The following SYNPR variants were observed in gnomAD, a reference collection of about 807,000 sequenced individuals.
The protein encoded by SYNPR is synaptoporin.
In SYNPR, 23 loss-of-function variants were observed where a neutral mutation model predicts 32.9. The ratio of observed to expected loss-of-function variants is 0.70; its 90% CI spans 0.50 to 0.99. SYNPR has a LOEUF of 0.99. Among genes scored for constraint, SYNPR ranks in the 50% least tolerant of loss-of-function variants. SYNPR has a pLI of 0.00. For synonymous variants in SYNPR, 146 were observed against 135.9 expected, an observed-to-expected ratio of 1.07 and a Z score of -0.52; for missense variants, 318 against 349.3, an observed-to-expected ratio of 0.91 and a Z score of 0.71.
intron 2 of SYNPR, among the ~76,000 whole-genome samples, chr3:63,401,096 C>T (rs1305012175): frequency 6.6e-6 from 1 of 151,292 alleles, no homozygotes; most frequent in African/African-American, 2.4e-5. Flanking sequence ...AGGTGGTTTA[C>T]AAAAACATCT....
At chr3:63,538,167 T>C (rs1702241249) in intron 3 of SYNPR, among the ~76,000 whole-genome samples, 1 of 152,070 alleles carries the variant, frequency 6.6e-6, no homozygotes, top group Non-Finnish European at 1.5e-5. Flanking sequence ...GCTTTTTTGA[T>C]GCACAAATCC....
chr3:63,553,061 C>A (rs374987406), intron 3 of SYNPR, among the ~76,000 whole-genome samples: 4 of 152,024 alleles, frequency 2.6e-5, no homozygotes, highest in African/African-American at 9.7e-5. Flanking sequence ...GCATAGCACC[C>A]AATAAGTAGC....
chr3:63,218,732 T>C, the SYNPR span, among the ~76,000 whole-genome samples: 1 of 152,232 alleles, frequency 6.6e-6, no homozygotes, highest in East Asian at 1.9e-4. Context: ...CATAAAGCGA[T>C]ACAAAGGGCC....
intron 3 of SYNPR, among the ~76,000 whole-genome samples, chr3:63,549,398 C>A (rs138516410): frequency 6.6e-6 from 1 of 152,136 alleles, no homozygotes; most frequent in Non-Finnish European, 1.5e-5. Context: ...GGCAGGTATG[C>A]GCAGTACTTG....
chr3:63,404,030 A>G (rs925336228), intron 2 of SYNPR, among the ~76,000 whole-genome samples: 4 of 152,200 alleles, frequency 2.6e-5, no homozygotes, highest in Admixed American at 2.6e-4. Context: ...CCCTACCTCC[A>G]ACCACCATTT....
chr3:63,288,627 G>T (rs564286031), intron 2 of SYNPR, among the ~76,000 whole-genome samples: 2 of 152,120 alleles, frequency 1.3e-5, no homozygotes, highest in African/African-American at 4.8e-5. Flanking sequence ...ATGATAAGAT[G>T]ATTTGTGAAT....
At chr3:63,479,445 T>TGTGCGC (rs1700998772) in intron 2 of SYNPR, among the ~76,000 whole-genome samples, 1 of 97,992 alleles carries the variant, frequency 1.0e-5, no homozygotes, top group Non-Finnish European at 2.4e-5. Context: ...GCCACACACA[T>TGTGCGC]GCACACACAC....
At chr3:63,580,605 G>C (rs998902998) in intron 4 of SYNPR, among the ~76,000 whole-genome samples, 2 of 152,100 alleles carry the variant, frequency 1.3e-5, no homozygotes, top group African/African-American at 4.8e-5. Context: ...TACAGATACA[G>C]TTCCCAGTTA....
rs543055731 is a variant in SYNPR at position 63,439,704 on chromosome 3, A to G, written c.85-41128A>G. Among the ~76,000 whole-genome samples the G allele has an allele frequency of 2.6e-5, 4 of 152,316 alleles. No individual in the cohort carries two copies. In the East Asian group the frequency reaches 7.7e-4, roughly 29 times the overall value. ...AATCAATATGACACTGAAATTTGCA[A>G]CCCTTCCAGAATGTTCTTTGAATGA... On this transcript the variant is annotated intron_variant, in intron 2 of 5. Coordinates refer to ENST00000478300, the MANE Select transcript of SYNPR (RefSeq NM_001130003.2).
intron 2 of SYNPR, among the ~76,000 whole-genome samples, chr3:63,328,418 A>G (rs2087189628): frequency 6.6e-6 from 1 of 152,184 alleles, no homozygotes. Flanking sequence ...TATTTAAAAG[A>G]AGGAATTCAT....
chr3:63,209,302 C>CTTGG, the SYNPR span, among the ~76,000 whole-genome samples: 3 of 114,792 alleles, frequency 2.6e-5, no homozygotes, highest in East Asian at 6.9e-4. Context: ...TGGGTGACAG[C>CTTGG]GAGACTCCGT....
At chr3:63,442,275 G>C (rs1032736185) in intron 2 of SYNPR, among the ~76,000 whole-genome samples, 1 of 150,086 alleles carries the variant, frequency 6.7e-6, no homozygotes, top group African/African-American at 2.5e-5. Context: ...ACAGAGAGAG[G>C]GACCTCAAAA....
intron 2 of SYNPR, among the ~76,000 whole-genome samples, chr3:63,424,756 G>A (rs1655154476): frequency 6.6e-6 from 1 of 152,166 alleles, no homozygotes; most frequent in African/African-American, 2.4e-5. Context: ...GGAGCTATTA[G>A]TAAGTTTACT....
At position 63,429,480 on chromosome 3, in the gene SYNPR, T is replaced by C. The variant is rs552892813; in HGVS notation, c.85-51352T>C. Among the ~76,000 whole-genome samples the C allele has an allele frequency of 3.9e-5, 6 of 152,320 alleles. No individual in the cohort carries two copies. In the South Asian group the frequency reaches 1.2e-3, roughly 32 times the overall value. On this transcript the variant is annotated intron_variant, in intron 2 of 5. Transcript: ENST00000478300. ...TCTTAGGACTGCAACATTTTAGCCATCTTTGGAATCCCTAGGGAACAATTC... is the reference window on the plus strand; with the variant it reads ...TCTTAGGACTGCAACATTTTAGCCACCTTTGGAATCCCTAGGGAACAATTC...
chr3:63,524,897 G>T (rs78264774), intron 3 of SYNPR, among the ~76,000 whole-genome samples: 14,280 of 147,896 alleles, frequency 0.097, 910 homozygotes, highest in Middle Eastern at 0.21. Flanking sequence ...GAGAGAGAGA[G>T]AAGTCAGCTC....
intron 3 of SYNPR, among the ~76,000 whole-genome samples, chr3:63,514,910 G>C (rs1701767394): frequency 6.6e-6 from 1 of 152,084 alleles, no homozygotes; most frequent in Non-Finnish European, 1.5e-5. Context: ...AAAAACATTT[G>C]TGATGTAAGT....
chr3:63,355,999 C>G (rs905203007), intron 2 of SYNPR, among the ~76,000 whole-genome samples: 1 of 152,196 alleles, frequency 6.6e-6, no homozygotes, highest in African/African-American at 2.4e-5. Flanking sequence ...TTCTCTGCCC[C>G]TTTTCAGTCT....
At chr3:63,583,864 C>T (rs145798354) in intron 4 of SYNPR, among the ~76,000 whole-genome samples, 1 of 151,988 alleles carries the variant, frequency 6.6e-6, no homozygotes, top group South Asian at 2.1e-4. Context: ...AGATCCTATT[C>T]AGGAGAGATA....
chr3:63,589,674 C>A (rs954729585), intron 4 of SYNPR, among the ~76,000 whole-genome samples: 2 of 150,684 alleles, frequency 1.3e-5, no homozygotes, highest in Admixed American at 6.7e-5. Flanking sequence ...TAAATGTAAT[C>A]CAGCATATAA....
Sources: allele counts gnomAD v4.1 joint callset (sites outside exome capture counted in the v4.1 genomes callset), GRCh38; gene constraint gnomAD v4.1.1; transcripts MANE v1.5; gene names NCBI Gene and HGNC (gene_info 2026-07-23, HGNC 2026-07-21).